The following FNDC3A variants were observed in gnomAD, a reference collection of about 807,000 sequenced individuals.
The protein encoded by FNDC3A is fibronectin type-III domain-containing protein 3A.
Under a neutral mutation model 148.9 loss-of-function variants are expected in FNDC3A, and 32 were observed. That is an observed-to-expected ratio of 0.21 (90% confidence interval 0.16 to 0.29). FNDC3A has a LOEUF of 0.29. Ranked by LOEUF, FNDC3A falls within the 10% of genes least tolerant of loss-of-function variation. The probability of loss-of-function intolerance (pLI) is 1.00; values close to 1 mark genes in which losing one functional copy is unlikely to be tolerated. For missense variants in FNDC3A, 1,191 were observed against 1,452.8 expected, an observed-to-expected ratio of 0.82 and a Z score of 2.93; for synonymous variants, 472 against 473.6, an observed-to-expected ratio of 1.00 and a Z score of 0.04.
At chr13:49,163,577 C>G (rs1298743981) in intron 8 of FNDC3A, among the ~76,000 whole-genome samples, 1 of 152,188 alleles carries the variant, frequency 6.6e-6, no homozygotes, top group Non-Finnish European at 1.5e-5. Flanking sequence ...TCGCTGACCC[C>G]TTGCACTTTG....
At chr13:49,186,793 A>G (rs1298374052) in intron 15 of FNDC3A, among the ~76,000 whole-genome samples, 2 of 152,204 alleles carry the variant, frequency 1.3e-5, no homozygotes, top group Non-Finnish European at 2.9e-5. Context: ...GCTTGAACCC[A>G]GGAGGCAGAG....
intron 4 of FNDC3A, among the ~76,000 whole-genome samples, chr13:49,122,238 A>G (rs1265348119): frequency 6.6e-6 from 1 of 152,206 alleles, no homozygotes; most frequent in Non-Finnish European, 1.5e-5. Flanking sequence ...AAACAGCACC[A>G]ATGACAAAAA....
intron 1 of FNDC3A, among the ~76,000 whole-genome samples, chr13:49,004,733 A>T (rs1018677330): frequency 2.0e-5 from 3 of 151,954 alleles, no homozygotes; most frequent in Non-Finnish European, 2.9e-5. Flanking sequence ...AAAATGACAA[A>T]ATTTAAATGG....
At chr13:49,045,060 CT>C (rs147102593) in intron 2 of FNDC3A, 218 of 100,358 alleles carry the variant, frequency 2.2e-3, no homozygotes, top group Non-Finnish European at 3.9e-3. Flanking sequence ...TTCCCTTTCC[CT>C]TTTCCTTTCC....
Position 49,085,841 on chromosome 13 carries a change from A to G in FNDC3A, c.175+10477A>G, listed in dbSNP as rs575728853. Among the ~76,000 whole-genome samples the G allele has an allele frequency of 2.4e-3, 360 of 152,154 alleles. 1 individual carries two copies. Among genetic ancestry groups the G allele is most frequent in the Non-Finnish European group, 3.9e-3 (264 of 67,986 alleles). On this transcript the variant is annotated intron_variant, in intron 3 of 25. Transcript: ENST00000492622. The stretch of plus-strand genomic sequence containing the variant: ...AACTTTGTAATAAACGGAGATGTCA[A>G]AGGAGGGTTAGGAGTGATCAGTTTC...
At chr13:49,169,735 A>G (rs947218808) in intron 10 of FNDC3A, among the ~76,000 whole-genome samples, 2 of 152,178 alleles carry the variant, frequency 1.3e-5, no homozygotes, top group Admixed American at 6.5e-5. Flanking sequence ...AGCTTTTAAA[A>G]ATGTGGGGCT....
chr13:49,006,600 C>A (rs1267793861), intron 2 of FNDC3A, among the ~76,000 whole-genome samples: 2 of 151,698 alleles, frequency 1.3e-5, no homozygotes, highest in Admixed American at 1.3e-4. Context: ...TATTATAAAT[C>A]ATTTCAAATC....
intron 2 of FNDC3A, among the ~76,000 whole-genome samples, chr13:49,027,816 A>T (rs1395003696): frequency 6.7e-6 from 1 of 148,882 alleles, no homozygotes; most frequent in Non-Finnish European, 1.5e-5. Flanking sequence ...ATCATGCATA[A>T]AACAGAGCAA....
chr13:49,161,253 C>CT (rs1229064496), intron 8 of FNDC3A, among the ~76,000 whole-genome samples: 1 of 152,166 alleles, frequency 6.6e-6, no homozygotes, highest in Non-Finnish European at 1.5e-5. Flanking sequence ...GTGTGGGAGT[C>CT]TAAGTCTCTT....
At chr13:49,025,912 T>C (rs1232557865) in intron 2 of FNDC3A, among the ~76,000 whole-genome samples, 3 of 152,194 alleles carry the variant, frequency 2.0e-5, no homozygotes, top group Non-Finnish European at 4.4e-5. Flanking sequence ...ATCCAACACA[T>C]ATATACTTCT....
chr13:49,028,734 A>G (rs555401939), intron 2 of FNDC3A, among the ~76,000 whole-genome samples: 9 of 152,358 alleles, frequency 5.9e-5, no homozygotes, highest in Non-Finnish European at 1.0e-4. Flanking sequence ...GCTGCCAAAT[A>G]TCTGAAATAA....
intron 12 of FNDC3A, among the ~76,000 whole-genome samples, chr13:49,174,832 G>C (rs939105551): frequency 6.6e-6 from 1 of 152,076 alleles, no homozygotes; most frequent in African/African-American, 2.4e-5. Context: ...TTGCTCCTCA[G>C]CATATGTGAT....
chr13:49,104,096 A>C (rs1053551786), intron 3 of FNDC3A, among the ~76,000 whole-genome samples: 1 of 152,224 alleles, frequency 6.6e-6, no homozygotes. Flanking sequence ...AATATTTCAG[A>C]TGTTAAGGAA....
chr13:49,098,021 A>G (rs1879640528), intron 3 of FNDC3A, among the ~76,000 whole-genome samples: 1 of 152,136 alleles, frequency 6.6e-6, no homozygotes, highest in Non-Finnish European at 1.5e-5. Flanking sequence ...TAAAAAGCCT[A>G]GATACAGAAG....
intron 4 of FNDC3A, among the ~76,000 whole-genome samples, chr13:49,126,335 A>T (rs1881697208): frequency 6.6e-6 from 1 of 151,970 alleles, no homozygotes; most frequent in Admixed American, 6.6e-5. Context: ...TTTTTTAAGT[A>T]TACAGTTTAA....
chr13:49,089,418 T>C (rs1279572398), intron 3 of FNDC3A, among the ~76,000 whole-genome samples: 2 of 152,204 alleles, frequency 1.3e-5, no homozygotes, highest in East Asian at 3.8e-4. Flanking sequence ...TTGTATTGCA[T>C]GGTACAGATG....
chr13:49,065,483 A>T (rs1877205206), intron 2 of FNDC3A, among the ~76,000 whole-genome samples: 1 of 152,216 alleles, frequency 6.6e-6, no homozygotes, highest in Non-Finnish European at 1.5e-5. Context: ...CCACTCTTCC[A>T]TTAGAATGTA....
intron 4 of FNDC3A, among the ~76,000 whole-genome samples, chr13:49,127,653 A>G (rs1222504595): frequency 6.6e-6 from 1 of 152,146 alleles, no homozygotes; most frequent in Non-Finnish European, 1.5e-5. Context: ...ATCTTTCCAG[A>G]ATTGCAGACT....
intron 8 of FNDC3A, among the ~76,000 whole-genome samples, chr13:49,148,811 G>A (rs1289159620): frequency 6.6e-6 from 1 of 152,116 alleles, no homozygotes; most frequent in African/African-American, 2.4e-5. Context: ...CATTTTAATG[G>A]TATTAATTTT....
Sources: allele counts gnomAD v4.1 joint callset (sites outside exome capture counted in the v4.1 genomes callset), GRCh38; gene constraint gnomAD v4.1.1; transcripts MANE v1.5; gene names NCBI Gene and HGNC (gene_info 2026-07-23, HGNC 2026-07-21).